Variants in NCKAP5 observed in about 807,000 individuals in gnomAD.
The protein encoded by NCKAP5 is NCK associated protein 5.
A neutral mutation model predicts 167.0 loss-of-function variants in NCKAP5; 92 were observed. The observed-to-expected ratio is 0.55, with a 90% CI of 0.47 to 0.66. The LOEUF is 0.66. Ranked by LOEUF, NCKAP5 falls within the 30% of genes least tolerant of loss-of-function variation. The probability of loss-of-function intolerance (pLI) is 0.00; values close to 1 mark genes in which losing one functional copy is unlikely to be tolerated. For synonymous variants in NCKAP5, 891 were observed against 877.4 expected (o/e 1.02, Z -0.27); for missense variants, 2,378 against 2,315.0 (o/e 1.03, Z -0.56).
At chr2:133,519,010 G>A (rs1033005900) in intron 2 of NCKAP5, among the ~76,000 whole-genome samples, 5 of 152,244 alleles carry the variant, frequency 3.3e-5, no homozygotes, top group South Asian at 2.1e-4. Flanking sequence ...AATATAATTG[G>A]AAAGAAATAT....
chr2:133,611,064 C>T, the NCKAP5 span, among the ~76,000 whole-genome samples: 1 of 152,162 alleles, frequency 6.6e-6, no homozygotes, highest in East Asian at 1.9e-4. Flanking sequence ...AGAGTGACCT[C>T]CTACCCAGAG....
At chr2:133,306,494 G>C (rs1305555246) in intron 3 of NCKAP5, among the ~76,000 whole-genome samples, 1 of 152,224 alleles carries the variant, frequency 6.6e-6, no homozygotes, top group Non-Finnish European at 1.5e-5. Flanking sequence ...TATCCAGAAA[G>C]ATGTGGTCTC....
At chr2:133,639,052 A>G in the NCKAP5 span, among the ~76,000 whole-genome samples, 1 of 152,286 alleles carries the variant, frequency 6.6e-6, no homozygotes, top group South Asian at 2.1e-4. Context: ...GGAAACATTA[A>G]TGACCAACAG....
intron 4 of NCKAP5, among the ~76,000 whole-genome samples, chr2:133,225,178 T>C (rs982706288): frequency 9.9e-5 from 15 of 152,194 alleles, no homozygotes; most frequent in Non-Finnish European, 2.9e-5. Context: ...TCCATCAATT[T>C]TGGTAACATT....
At chr2:133,326,437 C>T (rs1422459852) in intron 3 of NCKAP5, among the ~76,000 whole-genome samples, 1 of 119,468 alleles carries the variant, frequency 8.4e-6, no homozygotes, top group Non-Finnish European at 1.6e-5. Flanking sequence ...AGCCTGGTGA[C>T]AGAGCAAGAC....
chr2:132,803,329 C>G lies in NCKAP5; in HGVS notation c.808-6600G>C, dbSNP rs564832700. On this transcript the variant is annotated intron_variant, in intron 11 of 19. Coordinates refer to ENST00000409261, the MANE Select transcript of NCKAP5 (RefSeq NM_207363.3). Reference sequence around the variant, plus strand: ...TTTTCCCTGACAACTTTTAGACTTGCCTTGCACATCAATGTTTAGCTGCCC... The same window carrying G: ...TTTTCCCTGACAACTTTTAGACTTGGCTTGCACATCAATGTTTAGCTGCCC... 4.9e-3 allele frequency among the ~76,000 whole-genome samples: 750 copies of G among 152,334 alleles called. 4 individuals are homozygous for G. Among genetic ancestry groups the G allele is most frequent in the Admixed American group, 8.6e-3 (131 of 15,304 alleles).
intron 3 of NCKAP5, among the ~76,000 whole-genome samples, chr2:133,448,301 C>A (rs114200098): frequency 1.3e-5 from 2 of 151,394 alleles, no homozygotes; most frequent in African/African-American, 4.9e-5. Flanking sequence ...TAAAAGCTTC[C>A]GGAAACTCTT....
At chr2:133,409,486 G>T (rs951373726) in intron 3 of NCKAP5, among the ~76,000 whole-genome samples, 4 of 152,198 alleles carry the variant, frequency 2.6e-5, no homozygotes, top group Admixed American at 2.6e-4. Flanking sequence ...TAAGCCACGG[G>T]TCTTGCTGGA....
At chr2:133,394,905 A>G (rs973371689) in intron 3 of NCKAP5, among the ~76,000 whole-genome samples, 3 of 152,250 alleles carry the variant, frequency 2.0e-5, no homozygotes, top group African/African-American at 7.2e-5. Flanking sequence ...ATATTTAAAA[A>G]GCAGATTTGT....
intron 7 of NCKAP5, among the ~76,000 whole-genome samples, chr2:132,989,319 A>G (rs940091145): frequency 6.6e-5 from 10 of 152,192 alleles, no homozygotes; most frequent in Non-Finnish European, 1.0e-4. Flanking sequence ...TTTTTCTAAC[A>G]TAAGTTCCCT....
chr2:132,673,112 C>G lies in NCKAP5; in HGVS notation c.*177G>C. On this transcript the variant is annotated 3_prime_UTR_variant, in exon 20 of 20. Coordinates refer to ENST00000409261, the MANE Select transcript of NCKAP5 (RefSeq NM_207363.3). ...AGATTCCAAGTTGTCTACCCCAGGC[C>G]TATCTGAACTACTCAAAGATGTCTC... 1 of 1,298,494 alleles carries G rather than the reference C, an allele frequency of 7.7e-7. No homozygotes were observed. Among genetic ancestry groups the G allele is most frequent in the Non-Finnish European group, 9.7e-7 (1 of 1,026,002 alleles). 80.4% of individuals were successfully genotyped at this position (1,298,494 alleles called of 1,614,324 possible). A position where few individuals can be genotyped will look rare whatever the true frequency, so the allele number is the denominator to read the frequency against.
At chr2:133,627,805 G>A in the NCKAP5 span, among the ~76,000 whole-genome samples, 1 of 152,302 alleles carries the variant, frequency 6.6e-6, no homozygotes, top group African/African-American at 2.4e-5. Context: ...TAAAATGGCT[G>A]CAGCTCTGAT....
chr2:133,066,253 T>C (rs1271810647), intron 6 of NCKAP5, among the ~76,000 whole-genome samples: 1 of 152,238 alleles, frequency 6.6e-6, no homozygotes, highest in Non-Finnish European at 1.5e-5. Context: ...TTATGATTCA[T>C]GTTAGAACTC....
chr2:132,679,721 C>A (rs1388855764), intron 19 of NCKAP5, among the ~76,000 whole-genome samples: 1 of 152,136 alleles, frequency 6.6e-6, no homozygotes, highest in African/African-American at 2.4e-5. Flanking sequence ...GGGTTTTGGG[C>A]TGAAGCTGAA....
chr2:133,400,419 T>A (rs1056916205), intron 3 of NCKAP5, among the ~76,000 whole-genome samples: 1 of 152,164 alleles, frequency 6.6e-6, no homozygotes, highest in Admixed American at 6.5e-5. Context: ...GGATTACTGG[T>A]GGGCCCCAAA....
intron 3 of NCKAP5, among the ~76,000 whole-genome samples, chr2:133,401,743 C>G (rs1462312276): frequency 6.6e-6 from 1 of 152,170 alleles, no homozygotes; most frequent in African/African-American, 2.4e-5. Flanking sequence ...GGTTATCTCA[C>G]CCTGGTTTCC....
chr2:132,716,904 T>C (rs1214938784), intron 19 of NCKAP5, among the ~76,000 whole-genome samples: 1 of 152,216 alleles, frequency 6.6e-6, no homozygotes, highest in African/African-American at 2.4e-5. Context: ...TTCTTTCTGA[T>C]AGTTAGCTTT....
chr2:133,171,489 G>A (rs956813322), intron 5 of NCKAP5, among the ~76,000 whole-genome samples: 2 of 152,214 alleles, frequency 1.3e-5, no homozygotes, highest in African/African-American at 4.8e-5. Context: ...ACCCAAGAGA[G>A]AGGTCTGGTT....
intron 3 of NCKAP5, among the ~76,000 whole-genome samples, chr2:133,435,630 A>C: frequency 6.6e-6 from 1 of 152,210 alleles, no homozygotes; most frequent in East Asian, 1.9e-4. Flanking sequence ...AATACAGCAA[A>C]GTTAGAGAAG....
Sources: gnomAD v4.1 joint callset for allele counts (sites outside exome capture counted in the v4.1 genomes callset) on GRCh38, gnomAD v4.1.1 for gene constraint, MANE v1.5 for transcripts, NCBI Gene and HGNC (gene_info 2026-07-23, HGNC 2026-07-21) for gene names.